GPC6: variants seen among roughly 807,000 people sequenced by gnomAD.
The protein encoded by GPC6 is glypican 6.
In GPC6, 14 loss-of-function variants were observed where a neutral mutation model predicts 55.2. The observed-to-expected ratio is 0.25, with a 90% CI of 0.17 to 0.40. GPC6 has a LOEUF of 0.40. Among genes scored for constraint, GPC6 ranks in the 10% least tolerant of loss-of-function variants. The pLI is 1.00. For synonymous variants in GPC6, 278 were observed against 259.6 expected, an observed-to-expected ratio of 1.07 and a Z score of -0.68; for missense variants, 641 against 708.5, an observed-to-expected ratio of 0.90 and a Z score of 1.08.
At chr13:94,296,765 C>T (rs1335769990) in intron 5 of GPC6, among the ~76,000 whole-genome samples, 1 of 152,188 alleles carries the variant, frequency 6.6e-6, no homozygotes, top group Non-Finnish European at 1.5e-5. Context: ...AAACTACCAA[C>T]ATAATGTCAC....
intron 4 of GPC6, among the ~76,000 whole-genome samples, chr13:94,137,221 G>A (rs1473880258): frequency 6.6e-6 from 1 of 152,142 alleles, no homozygotes; most frequent in Non-Finnish European, 1.5e-5. Flanking sequence ...ATGATTCCAG[G>A]GTTTGGGGAA....
intron 7 of GPC6, among the ~76,000 whole-genome samples, chr13:94,396,046 C>G (rs1880882920): frequency 6.6e-6 from 1 of 152,156 alleles, no homozygotes; most frequent in South Asian, 2.1e-4. Context: ...CTTGGTTTGG[C>G]AGTTACTGTG....
At chr13:93,910,281 A>T (rs76492219) in intron 3 of GPC6, among the ~76,000 whole-genome samples, 1 of 152,104 alleles carries the variant, frequency 6.6e-6, no homozygotes, top group Non-Finnish European at 1.5e-5. Context: ...TGCACCAGCT[A>T]TCTTTCTCTT....
At chr13:94,313,037 G>T (rs758633786) in intron 6 of GPC6, among the ~76,000 whole-genome samples, 4 of 151,988 alleles carry the variant, frequency 2.6e-5, no homozygotes, top group Non-Finnish European at 4.4e-5. Context: ...TGAACCCTTG[G>T]TAATAACAGC....
intron 3 of GPC6, among the ~76,000 whole-genome samples, chr13:93,876,371 A>G (rs372630094): frequency 6.6e-6 from 1 of 152,050 alleles, no homozygotes; most frequent in East Asian, 1.9e-4. Flanking sequence ...ACTCTTGCTT[A>G]TTTTAAATAA....
At chr13:94,354,085 C>T (rs1878678270) in intron 6 of GPC6, among the ~76,000 whole-genome samples, 1 of 152,208 alleles carries the variant, frequency 6.6e-6, no homozygotes, top group African/African-American at 2.4e-5. Flanking sequence ...TTCTTTGCAA[C>T]AATGAACATT....
At chr13:93,481,685 T>C (rs1380445333) in intron 1 of GPC6, among the ~76,000 whole-genome samples, 1 of 152,118 alleles carries the variant, frequency 6.6e-6, no homozygotes, top group East Asian at 1.9e-4. Flanking sequence ...AATCATTTGT[T>C]GAATACACTG....
At chr13:93,416,829 A>AG (rs1876718217) in intron 1 of GPC6, among the ~76,000 whole-genome samples, 1 of 152,188 alleles carries the variant, frequency 6.6e-6, no homozygotes. Context: ...AAAAACACTG[A>AG]GGCTCCGAGG....
chr13:94,030,246 T>C (rs984321611), intron 4 of GPC6, among the ~76,000 whole-genome samples: 1 of 152,116 alleles, frequency 6.6e-6, no homozygotes, highest in African/African-American at 2.4e-5. Flanking sequence ...CCTGACCTCG[T>C]GATCTGCCCG....
chr13:93,366,009 T>A, intron 1 of GPC6, among the ~76,000 whole-genome samples: 1 of 152,112 alleles, frequency 6.6e-6, no homozygotes, highest in East Asian at 1.9e-4. Flanking sequence ...TACTAAGGTT[T>A]GGTAACAAGC....
At chr13:93,825,115 C>T (rs1156330985) in intron 2 of GPC6, among the ~76,000 whole-genome samples, 1 of 152,098 alleles carries the variant, frequency 6.6e-6, no homozygotes, top group Non-Finnish European at 1.5e-5. Flanking sequence ...TGGAATCTAT[C>T]AGTAGAAGGG....
chr13:93,508,783 G>C (rs1400876479), intron 1 of GPC6, among the ~76,000 whole-genome samples: 1 of 152,190 alleles, frequency 6.6e-6, no homozygotes, highest in East Asian at 1.9e-4. Context: ...TCTAGGGAAA[G>C]GGTGGAGGGA....
intron 1 of GPC6, among the ~76,000 whole-genome samples, chr13:93,455,469 C>T (rs1878416007): frequency 6.6e-6 from 1 of 151,946 alleles, no homozygotes; most frequent in Non-Finnish European, 1.5e-5. Context: ...TGCAGTTTTT[C>T]CATGTCACCT....
chr13:93,438,102 T>C (rs946474921), intron 1 of GPC6, among the ~76,000 whole-genome samples: 3 of 152,138 alleles, frequency 2.0e-5, no homozygotes, highest in African/African-American at 7.2e-5. Flanking sequence ...TTGACACCTA[T>C]TCCTGAGACC....
intron 3 of GPC6, among the ~76,000 whole-genome samples, chr13:93,988,091 A>T (rs1881116640): frequency 6.6e-6 from 1 of 152,150 alleles, no homozygotes; most frequent in Admixed American, 6.6e-5. Flanking sequence ...TCGGCCTCAG[A>T]ATTACCACGG....
chr13:93,547,171 A>G (rs1489958193), intron 2 of GPC6, among the ~76,000 whole-genome samples: 1 of 43,432 alleles, frequency 2.3e-5, no homozygotes, highest in Non-Finnish European at 5.6e-5. Flanking sequence ...TCTACTAAAA[A>G]TACAAAAAAA....
intron 3 of GPC6, among the ~76,000 whole-genome samples, chr13:94,013,390 G>A (rs930023937): frequency 5.9e-5 from 9 of 152,008 alleles, no homozygotes; most frequent in Admixed American, 3.9e-4. Flanking sequence ...CACTCTTGTT[G>A]CCCAGGCTGG....
chr13:94,224,839 C>T (rs1031428377), intron 4 of GPC6, among the ~76,000 whole-genome samples: 7 of 152,088 alleles, frequency 4.6e-5, no homozygotes, highest in African/African-American at 1.7e-4. Context: ...TTGACTGGTC[C>T]ACCTCTGCTG....
chr13:93,562,696 C>G (rs1252507595), intron 2 of GPC6, among the ~76,000 whole-genome samples: 1 of 152,066 alleles, frequency 6.6e-6, no homozygotes, highest in African/African-American at 2.4e-5. Context: ...AATTTTCTTG[C>G]CCAATAAATA....
Sources: gnomAD v4.1 joint callset for allele counts (sites outside exome capture counted in the v4.1 genomes callset) on GRCh38, gnomAD v4.1.1 for gene constraint, MANE v1.5 for transcripts, NCBI Gene and HGNC (gene_info 2026-07-23, HGNC 2026-07-21) for gene names.